The following SBF2 variants were observed in gnomAD, a reference collection of about 807,000 sequenced individuals.
The protein encoded by SBF2 is myotubularin-related protein 13.
In SBF2, 112 loss-of-function variants were observed where a neutral mutation model predicts 225.2. The ratio of observed to expected loss-of-function variants is 0.50; its 90% confidence interval spans 0.43 to 0.58. SBF2 has a LOEUF of 0.58. Ranked by LOEUF, SBF2 falls within the 20% of genes least tolerant of loss-of-function variation. SBF2 has a pLI of 0.00. For synonymous variants in SBF2, 763 were observed against 773.3 expected (o/e 0.99, Z 0.22); for missense variants, 1,996 against 2,206.2 (o/e 0.90, Z 1.91).
intron 2 of SBF2, among the ~76,000 whole-genome samples, chr11:10,191,605 C>T (rs1357458719): frequency 6.6e-6 from 1 of 152,130 alleles, no homozygotes; most frequent in Non-Finnish European, 1.5e-5. Flanking sequence ...TCTTGAAATG[C>T]TATGCTAAGA....
chr11:9,881,568 C>G (rs968194552), intron 17 of SBF2, among the ~76,000 whole-genome samples: 6 of 152,124 alleles, frequency 3.9e-5, no homozygotes, highest in African/African-American at 1.4e-4. Context: ...GGATTCAAAT[C>G]TCACTCCTGG....
chr11:10,092,274 A>G (rs1458708906), intron 2 of SBF2, among the ~76,000 whole-genome samples: 1 of 152,162 alleles, frequency 6.6e-6, no homozygotes, highest in Admixed American at 6.5e-5. Context: ...CTAATATGCT[A>G]ATTTTTTTCT....
intron 8 of SBF2, among the ~76,000 whole-genome samples, chr11:9,999,791 G>C (rs1394281838): frequency 6.6e-6 from 1 of 152,166 alleles, no homozygotes; most frequent in Non-Finnish European, 1.5e-5. Flanking sequence ...AAGTTAGAAA[G>C]AATGATGACT....
At chr11:10,277,867 C>T (rs1963088212) in intron 1 of SBF2, among the ~76,000 whole-genome samples, 1 of 152,162 alleles carries the variant, frequency 6.6e-6, no homozygotes, top group Admixed American at 6.5e-5. Flanking sequence ...GACTGAGGCC[C>T]TCCTGTCACC....
intron 2 of SBF2, among the ~76,000 whole-genome samples, chr11:10,181,577 A>C (rs1956738604): frequency 6.6e-6 from 1 of 152,126 alleles, no homozygotes; most frequent in South Asian, 2.1e-4. Flanking sequence ...TTATCTTTAT[A>C]ATTAATCTAT....
At chr11:9,907,439 A>AT (rs780625073) in intron 16 of SBF2, among the ~76,000 whole-genome samples, 3 of 152,132 alleles carry the variant, frequency 2.0e-5, no homozygotes, top group African/African-American at 4.8e-5. Context: ...TCTCCTTGGT[A>AT]TTTTCATATG....
At chr11:10,144,158 G>C (rs1954781807) in intron 2 of SBF2, among the ~76,000 whole-genome samples, 1 of 152,134 alleles carries the variant, frequency 6.6e-6, no homozygotes, top group South Asian at 2.1e-4. Flanking sequence ...TATGCACGTA[G>C]CCAAAATAAT....
At chr11:9,895,758 G>C (rs1236281934) in intron 17 of SBF2, among the ~76,000 whole-genome samples, 185 bp downstream of exon 17, 1 of 152,162 alleles carries the variant, frequency 6.6e-6, no homozygotes, top group Non-Finnish European at 1.5e-5. Flanking sequence ...TTTAGGAGAT[G>C]ATTTAGTGTT....
intron 2 of SBF2, among the ~76,000 whole-genome samples, chr11:10,183,815 T>C (rs1435783982): frequency 1.3e-5 from 2 of 152,010 alleles, no homozygotes; most frequent in Admixed American, 1.3e-4. Flanking sequence ...GAGAGTAGAA[T>C]TGTGGTTATT....
chr11:9,949,092 G>T (rs1312410616), intron 16 of SBF2, among the ~76,000 whole-genome samples: 2 of 152,050 alleles, frequency 1.3e-5, no homozygotes, highest in Non-Finnish European at 2.9e-5. Context: ...GAAAGGAAAG[G>T]CAAGAGAAAA....
At chr11:10,015,170 T>C (rs1270607262) in intron 6 of SBF2, among the ~76,000 whole-genome samples, 5 of 152,002 alleles carry the variant, frequency 3.3e-5, no homozygotes, top group Admixed American at 2.0e-4. Flanking sequence ...TAATACTGTA[T>C]CAATGTCAGT....
At position 9,785,211 on chromosome 11, in the gene SBF2, C is replaced by G. The variant is rs777353842; in HGVS notation, c.5145G>C (p.Gln1715His). Reference protein sequence around the residue: ...HLPDSSMGEEQNSSISPSNGV... With the variant: ...HLPDSSMGEEHNSSISPSNGV... The stretch of plus-strand genomic sequence containing the variant: ...CATTGGATGGGGAGATGCTGGAATT[C>G]TGTTCCTCCCCCATGCTGCTGTCTG... Residue 1715 changes from glutamine (Q) to histidine (H), a missense_variant, in exon 37 of 40, where the codon CAG becomes CAC. By Grantham distance (24) the Gln-to-His change is conservative. Coordinates refer to ENST00000256190, the MANE Select transcript of SBF2 (RefSeq NM_030962.4). 1 of 1,614,178 alleles carries G rather than the reference C, an allele frequency of 6.2e-7. No individual in the cohort carries two copies. The highest frequency in any genetic ancestry group is 8.5e-7 in the Non-Finnish European group (1 of 1,180,028).
At chr11:10,011,753 G>A (rs1248472790) in intron 6 of SBF2, among the ~76,000 whole-genome samples, 1 of 152,164 alleles carries the variant, frequency 6.6e-6, no homozygotes, top group African/African-American at 2.4e-5. Flanking sequence ...GATTCATATA[G>A]ATGAATTATT....
chr11:9,899,981 T>C (rs986636295), intron 16 of SBF2, among the ~76,000 whole-genome samples: 6 of 151,034 alleles, frequency 4.0e-5, no homozygotes, highest in East Asian at 1.9e-4. Context: ...TTGGGGGGAA[T>C]TGGGGAAATG....
At chr11:9,795,994 A>G in intron 32 of SBF2, 37 bp from the exon 33 acceptor site, 2 of 1,607,172 alleles carry the variant, frequency 1.2e-6, no homozygotes, top group Non-Finnish European at 1.7e-6. Flanking sequence ...GTAAGAATCA[A>G]ACAGAACAAA....
chr11:9,988,572 C>A (rs1015217294), intron 13 of SBF2, among the ~76,000 whole-genome samples: 1 of 152,068 alleles, frequency 6.6e-6, no homozygotes, highest in Non-Finnish European at 1.5e-5. Flanking sequence ...AAAAAACAAT[C>A]CCATCCAAAA....
chr11:9,782,747 T>C (rs1852099071), intron 38 of SBF2, among the ~76,000 whole-genome samples: 1 of 151,798 alleles, frequency 6.6e-6, no homozygotes, highest in Non-Finnish European at 1.5e-5. Flanking sequence ...GGCAGGCGCC[T>C]GTAATCCCAG....
intron 1 of SBF2, among the ~76,000 whole-genome samples, chr11:10,223,952 A>T (rs1446415117): frequency 1.3e-5 from 2 of 152,122 alleles, no homozygotes; most frequent in Non-Finnish European, 2.9e-5. Flanking sequence ...TATTTTATGC[A>T]GTTTTAATAC....
upstream of SBF2, among the ~76,000 whole-genome samples, chr11:10,297,390 A>G (rs970295542): frequency 3.9e-5 from 6 of 152,144 alleles, no homozygotes; most frequent in Non-Finnish European, 8.8e-5. Flanking sequence ...CTTTGGCTCA[A>G]AAAAGTTTTT....
Sources: allele counts gnomAD v4.1 joint callset (sites outside exome capture counted in the v4.1 genomes callset), GRCh38; gene constraint gnomAD v4.1.1; transcripts MANE v1.5; gene names NCBI Gene and HGNC (gene_info 2026-07-23, HGNC 2026-07-21).